Variants in CEP76 observed in about 807,000 individuals in gnomAD.
CEP76 encodes centrosomal protein 76.
A neutral mutation model predicts 83.3 loss-of-function variants in CEP76; 55 were observed. That is an observed-to-expected ratio of 0.66 (90% confidence interval 0.53 to 0.83). The LOEUF is 0.83. CEP76 is among the 40% of genes least tolerant of loss of function. The pLI is 0.00. For synonymous variants in CEP76, 270 were observed against 274.5 expected (o/e 0.98, Z 0.16); for missense variants, 694 against 799.5 (o/e 0.87, Z 1.59).
Position 12,700,535 on chromosome 18 carries a change from T to C in CEP76, c.219+423A>G, listed in dbSNP as rs920896550. 2.0e-5 allele frequency among the ~76,000 whole-genome samples: 3 copies of C among 152,198 alleles called. No homozygotes were observed. The East Asian group carries it at 5.8e-4, about 29-fold the overall frequency. On this transcript the variant is annotated intron_variant, in intron 2 of 11. Coordinates refer to ENST00000262127, the MANE Select transcript of CEP76 (RefSeq NM_024899.4). ...GATTTGAGGACTCTTATGCAGTCAA[T>C]TATTTTCTTAAAGAAATTTGTAATT...
At chr18:12,673,616 A>C (rs2039009129) in intron 11 of CEP76, 113 bp from the exon 12 acceptor site, 8 of 771,536 alleles carry the variant, frequency 1.0e-5, no homozygotes, top group South Asian at 1.9e-5. Context: ...GTGGTGGCTC[A>C]TGCCTGTAAT....
At chr18:12,670,875 C>T (rs1268577776), downstream of CEP76, 1 of 151,974 alleles carries the variant, frequency 6.6e-6, no homozygotes, top group Non-Finnish European at 1.5e-5. Flanking sequence ...TCTTAAACTC[C>T]TGAACCCAAG....
intron 8 of CEP76, 125 bp from the exon 9 acceptor site, chr18:12,680,953 C>G (rs1383671331): frequency 7.4e-6 from 6 of 814,176 alleles, no homozygotes; most frequent in Admixed American, 3.1e-5. Flanking sequence ...AATCCCAACA[C>G]TTTGGGAGGC....
chr18:12,686,529 G>A (rs2039545959), intron 7 of CEP76, 79 bp from the exon 8 acceptor site: 3 of 1,058,556 alleles, frequency 2.8e-6, no homozygotes, highest in South Asian at 1.5e-5. Context: ...ATTAATGTAG[G>A]ATAAAATAAT....
rs9960169 is a variant in CEP76, at chr18:12,673,188, T to C, written c.*177A>G. The C allele has an allele frequency of 5.7e-3, 7,339 of 1,290,634 alleles. 374 individuals are homozygous for C. The African/African-American group carries it at 0.1, about 18-fold the overall frequency. 79.9% of individuals were successfully genotyped at this position (1,290,634 alleles called of 1,614,324 possible). On this transcript the variant is annotated 3_prime_UTR_variant, in exon 12 of 12. Coordinates refer to ENST00000262127, the MANE Select transcript of CEP76 (RefSeq NM_024899.4). The stretch of plus-strand genomic sequence containing the variant: ...ATTTATACAAGTTTTTCAGCCTTAA[T>C]TTTTAAAGGAATGCATGATTTTTTT...
Position 12,691,626 on chromosome 18 carries a change from C to G in CEP76, c.805-139G>C, listed in dbSNP as rs1441142485. The stretch of plus-strand genomic sequence containing the variant: ...ATCATCTTCTATAAGAGCCTCCTGA[C>G]TTCCCTATTTCTACACTTACCCCTA... On this transcript the variant is annotated intron_variant, in intron 6 of 11. Transcript: ENST00000262127. The G allele has an allele frequency of 5.2e-6, 3 of 574,234 alleles. No homozygotes were observed. In the East Asian group the frequency reaches 8.9e-5, roughly 17 times the overall value. 35.6% of individuals were successfully genotyped at this position (574,234 alleles called of 1,614,324 possible).
Position 12,673,158 on chromosome 18 carries a change from G to T in CEP76, c.*207C>A. On this transcript the variant is annotated 3_prime_UTR_variant, in exon 12 of 12. Coordinates refer to ENST00000262127, the MANE Select transcript of CEP76 (RefSeq NM_024899.4). Reference sequence around the variant, plus strand: ...TACACTTAATTTATACTAAATTCCAGGGAGATTTATACAAGTTTTTCAGCC... The same window carrying T: ...TACACTTAATTTATACTAAATTCCATGGAGATTTATACAAGTTTTTCAGCC... 1 of 1,198,482 alleles carries T rather than the reference G, an allele frequency of 8.3e-7. No individual in the cohort carries two copies. Among genetic ancestry groups the T allele is most frequent in the East Asian group, 3.7e-5 (1 of 27,160 alleles). 74.2% of individuals were successfully genotyped at this position (1,198,482 alleles called of 1,614,324 possible).
Position 12,697,243 on chromosome 18 carries a change from G to C in CEP76, c.686C>G (p.Thr229Ser), listed in dbSNP as rs1460461870. The C allele has an allele frequency of 1.9e-6, 3 of 1,613,294 alleles. No homozygotes were observed. The Admixed American group carries it at 5.0e-5, about 27-fold the overall frequency. The change falls in exon 5 of 12, where the codon ACT (threonine) becomes AGT (serine). Residue 229 changes from threonine to serine, a missense_variant. Thr to Ser is a moderately conservative substitution (Grantham distance 58, BLOSUM62 1). Transcript: ENST00000262127. ...LGSENGVTSL[T>S]VELMGVGTES... ...CATACCTACACCCATAAGTTCCACA[G>C]TCAGACTGGTCACTCCATTTTCTGA...
intron 12 of CEP76, chr18:12,665,140 G>A (rs1403859567): frequency 6.6e-6 from 1 of 152,016 alleles, no homozygotes; most frequent in Non-Finnish European, 1.5e-5. Flanking sequence ...CTCTTCCAAG[G>A]TGAGCATGTA....
chr18:12,681,401 G>C (rs2039345325), intron 8 of CEP76, among the ~76,000 whole-genome samples: 1 of 151,348 alleles, frequency 6.6e-6, no homozygotes, highest in Non-Finnish European at 1.5e-5. Flanking sequence ...TGTGCACCAT[G>C]ACACCTAGCT....
intron 12 of CEP76, chr18:12,662,251 G>A: frequency 2.3e-6 from 1 of 432,644 alleles, no homozygotes; most frequent in Non-Finnish European, 4.6e-6. Flanking sequence ...GCCCACAATT[G>A]TAATACCTTA....
At chr18:12,693,802 C>T (rs1387654054) in intron 6 of CEP76, among the ~76,000 whole-genome samples, 1 of 151,970 alleles carries the variant, frequency 6.6e-6, no homozygotes, top group African/African-American at 2.4e-5. Flanking sequence ...ACAAAAAAAC[C>T]CCTCACGTAT....
At position 12,673,284 on chromosome 18, in the gene CEP76, C is replaced by T; in HGVS notation, c.*81G>A. 6.7e-7 allele frequency: 1 copy of T among 1,488,440 alleles called. No individual in the cohort carries two copies. The highest frequency in any genetic ancestry group is 8.9e-7 in the Non-Finnish European group (1 of 1,124,954). 92.2% of individuals were successfully genotyped at this position (1,488,440 alleles called of 1,614,324 possible). On this transcript the variant is annotated 3_prime_UTR_variant, in exon 12 of 12. Transcript: ENST00000262127. ...AAGCCAGATTGTGATTTTAAAATAA[C>T]AAACCTCTAAATAGCTAAGTAATGT...
chr18:12,698,976 T>C lies in CEP76; in HGVS notation c.520+3A>G, dbSNP rs1296405026. The C allele has an allele frequency of 1.3e-6, 2 of 1,589,222 alleles. No homozygotes were observed. The highest frequency in any genetic ancestry group is 2.7e-5 in the African/African-American group (2 of 74,008). On this transcript the variant is annotated splice_donor_region_variant and intron_variant, in intron 4 of 11. Transcript: ENST00000262127. ...TAAATGACAATTTATTACTGTTTCTTACCCAAGCTTTCTCTGTGTACTTCA... is the reference window on the plus strand; with the variant it reads ...TAAATGACAATTTATTACTGTTTCTCACCCAAGCTTTCTCTGTGTACTTCA...
chr18:12,677,622 T>C (rs568553168), intron 10 of CEP76, among the ~76,000 whole-genome samples: 34 of 152,178 alleles, frequency 2.2e-4, no homozygotes, highest in African/African-American at 7.9e-4. Context: ...AGTATACATA[T>C]TTTTTCTTTA....
chr18:12,691,418 T>C lies in CEP76; in HGVS notation c.874A>G (p.Arg292Gly). 2 of 1,609,248 alleles carry C rather than the reference T, an allele frequency of 1.2e-6. No individual in the cohort carries two copies. Among genetic ancestry groups the C allele is most frequent in the Non-Finnish European group, 1.7e-6 (2 of 1,177,160 alleles). Residue 292 changes from arginine to glycine, a missense_variant, in exon 7 of 12, where the codon AGA becomes GGA. Physicochemically the swap from Arg to Gly is moderately radical, Grantham distance 125. Transcript: ENST00000262127. ...LFLVYAKQWW[R>G]EYLQIRPSHN... ...GAGGGTCGAATTTGCAAATATTCTC[T>C]CCACCACTGCTTAGCATATACAAGA...
chr18:12,690,595 A>G (rs1272924454), intron 7 of CEP76, among the ~76,000 whole-genome samples: 2 of 151,982 alleles, frequency 1.3e-5, no homozygotes, highest in African/African-American at 4.8e-5. Flanking sequence ...AGCTGCGACT[A>G]TAGGAGCCCG....
intron 7 of CEP76, among the ~76,000 whole-genome samples, chr18:12,687,082 A>C (rs1313194967): frequency 6.6e-6 from 1 of 152,158 alleles, no homozygotes; most frequent in African/African-American, 2.4e-5. Context: ...ACTGTCTACC[A>C]CTGTGATTTT....
chr18:12,681,135 T>C (rs968266308), intron 8 of CEP76, among the ~76,000 whole-genome samples: 1 of 151,288 alleles, frequency 6.6e-6, no homozygotes, highest in African/African-American at 2.4e-5. Context: ...GAGGCGGAGG[T>C]TGCAGTGAGC....
Sources: allele counts gnomAD v4.1 joint callset (sites outside exome capture counted in the v4.1 genomes callset), GRCh38; gene constraint gnomAD v4.1.1; transcripts MANE v1.5; gene names NCBI Gene and HGNC (gene_info 2026-07-23, HGNC 2026-07-21).